SFMBT1: variants seen among roughly 807,000 people sequenced by gnomAD.
SFMBT1 encodes the protein Scm like with four mbt domains 1.
A neutral mutation model predicts 108.7 loss-of-function variants in SFMBT1; 32 were observed. The ratio of observed to expected loss-of-function variants is 0.29; its 90% CI spans 0.22 to 0.40. The LOEUF is 0.40. Among genes scored for constraint, SFMBT1 ranks in the 10% least tolerant of loss-of-function variants. SFMBT1 has a pLI of 1.00. For missense variants in SFMBT1, 816 were observed against 1,059.6 expected (o/e 0.77, Z 3.19); for synonymous variants, 348 against 369.5 (o/e 0.94, Z 0.67).
At chr3:53,045,622 C>G (rs1341292335) in intron 1 of SFMBT1, among the ~76,000 whole-genome samples, 194 bp downstream of exon 1, 10 of 140,812 alleles carry the variant, frequency 7.1e-5, no homozygotes, top group African/African-American at 1.0e-4. Flanking sequence ...CCGCCCCGCC[C>G]CCGCCCCCAA....
intron 1 of SFMBT1, among the ~76,000 whole-genome samples, chr3:53,025,336 C>T (rs1253019311): frequency 6.6e-6 from 1 of 152,182 alleles, no homozygotes; most frequent in Non-Finnish European, 1.5e-5. Context: ...AGGCTGGGTG[C>T]AGTGGCTCAC....
intron 1 of SFMBT1, among the ~76,000 whole-genome samples, chr3:53,044,691 T>C (rs1700158094): frequency 6.6e-6 from 1 of 152,234 alleles, no homozygotes; most frequent in Non-Finnish European, 1.5e-5. Flanking sequence ...ATTGACAAAA[T>C]CCATCTTACT....
At chr3:52,963,648 T>C (rs1704038339) in intron 2 of SFMBT1, among the ~76,000 whole-genome samples, 1 of 151,850 alleles carries the variant, frequency 6.6e-6, no homozygotes, top group Non-Finnish European at 1.5e-5. Context: ...AGACAGGGTC[T>C]CCCTATGTTG....
intron 2 of SFMBT1, among the ~76,000 whole-genome samples, chr3:52,954,825 TG>T (rs1289188550): frequency 6.6e-6 from 1 of 150,576 alleles, no homozygotes; most frequent in Non-Finnish European, 1.5e-5. Context: ...ACTCTCAGAG[TG>T]AAAGATACTC....
chr3:52,941,733 C>T (rs942989697), intron 4 of SFMBT1, among the ~76,000 whole-genome samples: 10 of 151,172 alleles, frequency 6.6e-5, no homozygotes, highest in African/African-American at 2.4e-4. Context: ...TCTGTCTCTA[C>T]AAAAAAGTTT....
intron 3 of SFMBT1, 82 bp downstream of exon 3, chr3:52,954,235 A>C: frequency 9.2e-7 from 1 of 1,090,704 alleles, no homozygotes; most frequent in Admixed American, 2.3e-5. Context: ...AAATTAAAAT[A>C]ACTTTAAATT....
At chr3:52,956,069 G>A (rs1575400491) in intron 2 of SFMBT1, among the ~76,000 whole-genome samples, 1 of 152,148 alleles carries the variant, frequency 6.6e-6, no homozygotes, top group East Asian at 1.9e-4. Flanking sequence ...ATCAATAAAC[G>A]TAGTTCATCA....
chr3:52,976,464 G>A (rs1704523672), intron 1 of SFMBT1, among the ~76,000 whole-genome samples: 1 of 152,032 alleles, frequency 6.6e-6, no homozygotes, highest in Non-Finnish European at 1.5e-5. Flanking sequence ...ACTTTATGCT[G>A]CCACATAAAT....
At chr3:53,017,718 T>C (rs775885839) in intron 1 of SFMBT1, among the ~76,000 whole-genome samples, 3 of 152,184 alleles carry the variant, frequency 2.0e-5, no homozygotes, top group Non-Finnish European at 2.9e-5. Flanking sequence ...CTCCTGCAGC[T>C]TATACCTTCA....
chr3:52,911,703 C>G (rs1702216871), intron 16 of SFMBT1, among the ~76,000 whole-genome samples: 1 of 152,034 alleles, frequency 6.6e-6, no homozygotes, highest in Admixed American at 6.6e-5. Context: ...TTCTTATTTC[C>G]TTTTTGTTTT....
intron 1 of SFMBT1, among the ~76,000 whole-genome samples, chr3:53,026,980 G>A (rs570725940): frequency 5.7e-4 from 87 of 152,120 alleles, no homozygotes; most frequent in African/African-American, 2.0e-3. Context: ...ATGGGGTCTC[G>A]CTAGGTTGCC....
Position 52,950,964 on chromosome 3 carries a change from A to T in SFMBT1, c.123+3353T>A, listed in dbSNP as rs186039242. Among the ~76,000 whole-genome samples, 36 of 151,368 alleles carry T rather than the reference A, an allele frequency of 2.4e-4. 1 individual carries two copies. Among genetic ancestry groups the T allele is most frequent in the East Asian group, 1.8e-3 (9 of 5,096 alleles). ...CCCATCTCTACCAAAATATATATAT[A>T]TTTTTTTAAGTTAGTCAAGCATGGT... On this transcript the variant is annotated intron_variant, in intron 3 of 20. Transcript: ENST00000394752.
chr3:53,035,192 TTA>T (rs1699829276), intron 1 of SFMBT1, among the ~76,000 whole-genome samples: 2 of 150,554 alleles, frequency 1.3e-5, no homozygotes, highest in African/African-American at 2.5e-5. Context: ...AGTTTGGACT[TTA>T]CCCGGCCAAA....
At chr3:53,045,635 TGCC>T (rs1193679574) in intron 1 of SFMBT1, among the ~76,000 whole-genome samples, 178 bp downstream of exon 1, 14 of 114,944 alleles carry the variant, frequency 1.2e-4, no homozygotes, top group Non-Finnish European at 2.6e-4. Context: ...GCCCCCAACG[TGCC>T]GCCGCCGCCG....
At chr3:52,967,626 T>C (rs576363936) in intron 2 of SFMBT1, among the ~76,000 whole-genome samples, 3 of 152,346 alleles carry the variant, frequency 2.0e-5, no homozygotes, top group East Asian at 3.9e-4. Flanking sequence ...CAATCTTTAT[T>C]AATTAAAAAT....
In SFMBT1 at chr3:53,045,835, G is replaced by C. The variant is rs1257100552; in HGVS notation, c.-150C>G. The C allele has an allele frequency of 2.7e-5, 4 of 150,176 alleles. No individual in the cohort carries two copies. The East Asian group carries it at 8.1e-4, about 30-fold the overall frequency. 9.3% of individuals were successfully genotyped at this position (150,176 alleles called of 1,614,324 possible). A position where few individuals can be genotyped will look rare whatever the true frequency, so the allele number is the denominator to read the frequency against. On this transcript the variant is annotated 5_prime_UTR_variant, in exon 1 of 21. Transcript: ENST00000394752. Reference sequence around the variant, plus strand: ...TTTTACCTGCCCGGAGTTTTCGCGCGCGCGCTCGCTCGATCGCTCGCTTTT... The same window carrying C: ...TTTTACCTGCCCGGAGTTTTCGCGCCCGCGCTCGCTCGATCGCTCGCTTTT...
rs114929274 is a variant in SFMBT1, at chr3:53,031,889, A to G, written c.-131+13927T>C. ...ATTCTCTATAGAGTGGCTTTAAAGC[A>G]TTTTATGATAAATTAAAATTAAAAT... On this transcript the variant is annotated intron_variant, in intron 1 of 20. Coordinates refer to ENST00000394752, the MANE Select transcript of SFMBT1 (RefSeq NM_016329.4). Among the ~76,000 whole-genome samples, 948 of 152,328 alleles carry G rather than the reference A, an allele frequency of 6.2e-3. 15 individuals are homozygous for G. The highest frequency in any genetic ancestry group is 0.022 in the African/African-American group (913 of 41,586).
At chr3:52,976,422 T>C (rs929299589) in intron 1 of SFMBT1, among the ~76,000 whole-genome samples, 1 of 152,108 alleles carries the variant, frequency 6.6e-6, no homozygotes, top group Non-Finnish European at 1.5e-5. Flanking sequence ...GAATTGGCTA[T>C]CCATTTTGGG....
At chr3:52,917,808 A>G (rs1310148363) in intron 13 of SFMBT1, among the ~76,000 whole-genome samples, 3 of 152,104 alleles carry the variant, frequency 2.0e-5, no homozygotes, top group African/African-American at 7.2e-5. Flanking sequence ...TCCCAAAACC[A>G]TTCCCCACCC....
Sources: allele counts gnomAD v4.1 joint callset (sites outside exome capture counted in the v4.1 genomes callset), GRCh38; gene constraint gnomAD v4.1.1; transcripts MANE v1.5; gene names NCBI Gene and HGNC (gene_info 2026-07-23, HGNC 2026-07-21).